The following ISLR2 variants were observed in gnomAD, a reference collection of about 807,000 sequenced individuals.
ISLR2 encodes the protein immunoglobulin superfamily containing leucine-rich repeat protein 2.
Under a neutral mutation model 25.5 loss-of-function variants are expected in ISLR2, and 16 were observed. The observed-to-expected ratio is 0.63, with a 90% CI of 0.43 to 0.95. ISLR2 has a LOEUF of 0.95. Among genes scored for constraint, ISLR2 ranks in the 40% least tolerant of loss-of-function variants. ISLR2 has a pLI of 0.00. For missense variants in ISLR2, 883 were observed against 1,030.7 expected (o/e 0.86, Z 1.96); for synonymous variants, 508 against 486.6 (o/e 1.04, Z -0.58).
chr15:74,128,417 C>T (rs1199819747), upstream of ISLR2: 6 of 455,426 alleles, frequency 1.3e-5, no homozygotes, highest in East Asian at 7.0e-5. Flanking sequence ...GGGGTGGTCA[C>T]CGCGTCCTTA....
chr15:74,124,372 A>G (rs1178649076), upstream of ISLR2, among the ~76,000 whole-genome samples: 1 of 152,092 alleles, frequency 6.6e-6, no homozygotes, highest in Non-Finnish European at 1.5e-5. Flanking sequence ...TTCAGAGATA[A>G]ACAGTCCTAT....
At chr15:74,110,755 G>A (rs1304372960) in intron 2 of ISLR2, among the ~76,000 whole-genome samples, 3 of 151,800 alleles carry the variant, frequency 2.0e-5, no homozygotes, top group Non-Finnish European at 2.9e-5. Context: ...TCAGGAGTTC[G>A]AGACCAGCCT....
chr15:74,141,107 G>A (rs1232059437), downstream of ISLR2, among the ~76,000 whole-genome samples: 1 of 152,198 alleles, frequency 6.6e-6, no homozygotes, highest in East Asian at 1.9e-4. Flanking sequence ...AGTAATTTAT[G>A]GGATTTAAAG....
upstream of ISLR2, chr15:74,128,444 C>T (rs1032892125): frequency 1.1e-5 from 5 of 456,460 alleles, no homozygotes; most frequent in African/African-American, 8.0e-5. Context: ...CCAGGAGCCC[C>T]GTCTCCCTGC....
At position 74,134,342 on chromosome 15, in the gene ISLR2, C is replaced by A; in HGVS notation, c.1588C>A (p.Leu530Ile). 6.3e-7 allele frequency: 1 copy of A among 1,583,666 alleles called. No homozygotes were observed. The highest frequency in any genetic ancestry group is 8.6e-7 in the Non-Finnish European group (1 of 1,167,582). Residue 530 changes from leucine (L) to isoleucine (I), a missense_variant, in exon 3 of 3, where the codon CTC (leucine) becomes ATC (isoleucine). Leu to Ile is a conservative substitution (Grantham distance 5, BLOSUM62 2). Coordinates refer to ENST00000453268, the MANE Select transcript of ISLR2 (RefSeq NM_020851.3). The stretch of plus-strand genomic sequence containing the variant: ...ACCCGGGCGGCGACCCCTGCGCCTA[C>A]TCTATCTGTGTCCAGCGGGGGGCGG... ...PRPGRRPLRL[L>I]YLCPAGGGAA...
chr15:74,116,683 T>C (rs888611212), intron 2 of ISLR2, among the ~76,000 whole-genome samples: 29 of 152,164 alleles, frequency 1.9e-4, no homozygotes, highest in African/African-American at 7.0e-4. Context: ...AGTAATAACA[T>C]TATGGGGTTT....
At chr15:74,128,223 C>A, upstream of ISLR2, 2 of 321,382 alleles carry the variant, frequency 6.2e-6, no homozygotes, top group Non-Finnish European at 1.2e-5. Flanking sequence ...GCTCCCACCC[C>A]AGGCCTCGGC....
chr15:74,109,425 C>T (rs967782433), intron 2 of ISLR2, among the ~76,000 whole-genome samples: 12 of 152,224 alleles, frequency 7.9e-5, no homozygotes, highest in African/African-American at 2.9e-4. Context: ...AACTCAGAAC[C>T]GCCACGTGGA....
chr15:74,138,982 C>G (rs576071244), downstream of ISLR2, among the ~76,000 whole-genome samples: 20 of 152,308 alleles, frequency 1.3e-4, no homozygotes, highest in East Asian at 3.5e-3. Flanking sequence ...TCATGGGTCT[C>G]TTGTGGGAAG....
intron 2 of ISLR2, among the ~76,000 whole-genome samples, chr15:74,112,511 G>A (rs2072175753): frequency 6.6e-6 from 1 of 150,986 alleles, no homozygotes; most frequent in Non-Finnish European, 1.5e-5. Context: ...TCCAATGTGT[G>A]AGCCATTTAT....
At position 74,132,531 on chromosome 15, in the gene ISLR2, C is replaced by T. The variant is rs754686205; in HGVS notation, c.-8-216C>T. Among the ~76,000 whole-genome samples the T allele has an allele frequency of 1.1e-4, 17 of 152,128 alleles. No individual in the cohort carries two copies. The highest frequency in any genetic ancestry group is 4.2e-4 in the South Asian group (2 of 4,818). The stretch of plus-strand genomic sequence containing the variant: ...GAGAAAAAAGGGCGATATACCGGGC[C>T]GCTGGAAAAGGAAATTAGGGCCCTG... On this transcript the variant is annotated intron_variant, in intron 2 of 2. Transcript: ENST00000453268. The surrounding 1 kb of genome is among the most constrained non-coding windows in gnomAD (Gnocchi z 4.3).
intron 1 of ISLR2, among the ~76,000 whole-genome samples, chr15:74,100,809 A>G (rs1175140501): frequency 6.6e-6 from 1 of 150,692 alleles, no homozygotes. Context: ...AAGGGCTGTC[A>G]TAATTAACAT....
chr15:74,130,362 G>A (rs1435676642), upstream of ISLR2: 3 of 152,188 alleles, frequency 2.0e-5, no homozygotes, highest in Non-Finnish European at 4.4e-5. Context: ...AGCAGCGGGG[G>A]GTGCGGGAGG....
In ISLR2 at chr15:74,106,254, A is replaced by G. The variant is rs566041593; in HGVS notation, n.228+2340A>G. 2.6e-3 allele frequency among the ~76,000 whole-genome samples: 392 copies of G among 152,250 alleles called. 2 individuals are homozygous for G. The highest frequency in any genetic ancestry group is 9.1e-3 in the African/African-American group (380 of 41,570). On this transcript the variant is annotated intron_variant and non_coding_transcript_variant, in intron 2 of 3. Coordinates refer to the ISLR2 transcript ENST00000561975. Reference sequence around the variant, plus strand: ...TTGGGTACAGCTTCCAAGACTGGTGAGGCCTTACTCAGGACCAGGGGGCCC... The same window carrying G: ...TTGGGTACAGCTTCCAAGACTGGTGGGGCCTTACTCAGGACCAGGGGGCCC...
At chr15:74,120,214 T>G (rs2072242124) in intron 2 of ISLR2, among the ~76,000 whole-genome samples, 1 of 152,216 alleles carries the variant, frequency 6.6e-6, no homozygotes, top group African/African-American at 2.4e-5. Context: ...CCCACCATGA[T>G]TTTTATCTTA....
intron 2 of ISLR2, among the ~76,000 whole-genome samples, chr15:74,110,827 C>T (rs369118963): frequency 4.6e-5 from 7 of 152,172 alleles, no homozygotes; most frequent in East Asian, 3.9e-4. Flanking sequence ...GGCGTGGTGG[C>T]GGGCACCTGT....
In ISLR2 at chr15:74,132,080, C is replaced by T. The variant is rs1318048365; in HGVS notation, c.-8-667C>T. 1 of 152,494 alleles carries T rather than the reference C, an allele frequency of 6.6e-6. No homozygotes were observed. The highest frequency in any genetic ancestry group is 2.4e-5 in the African/African-American group (1 of 41,446). The allele number at this position is 152,494 out of a possible 1,614,324, so 9.4% of individuals were successfully genotyped here. On this transcript the variant is annotated intron_variant, in intron 2 of 2. Transcript: ENST00000453268. This position sits in a 1 kb window ranked among gnomAD's most constrained non-coding sequence, Gnocchi z 4.3. ...AATTGTCACAATGGACAGGAAAGCG[C>T]TTTGTACCGTGGTGGAAAACACGTA...
downstream of ISLR2, among the ~76,000 whole-genome samples, chr15:74,140,071 A>C (rs1468474195): frequency 6.6e-6 from 1 of 152,200 alleles, no homozygotes; most frequent in Non-Finnish European, 1.5e-5. Flanking sequence ...AAGAAAGGTT[A>C]TTTGAAAGGA....
Position 74,132,768 on chromosome 15 carries a change from G to A in ISLR2, c.14G>A (p.Arg5Gln), listed in dbSNP as rs763445090. 4 of 1,609,144 alleles carry A rather than the reference G, an allele frequency of 2.5e-6. No individual in the cohort carries two copies. The highest frequency in any genetic ancestry group is 1.1e-5 in the South Asian group (1 of 91,010). The change falls in exon 3 of 3, where the codon CGG (arginine) becomes CAG (glutamine). Residue 5 changes from arginine (R) to glutamine (Q), a missense_variant. Physicochemically the swap from Arg to Gln is conservative, Grantham distance 43. Transcript: ENST00000453268. This position sits in a 1 kb window ranked among gnomAD's most constrained non-coding sequence, Gnocchi z 4.3. ...GCAGGAGCCGCGATGTTCCCCCTTC[G>A]GGCCCTGTGGTTGGTCTGGGCGCTT... is the stretch of plus-strand genomic sequence containing the variant. MFPL[R>Q]ALWLVWALLG... is the part of the protein sequence containing the mutation.
Sources: gnomAD v4.1 joint callset for allele counts (sites outside exome capture counted in the v4.1 genomes callset) on GRCh38, gnomAD v4.1.1 for gene constraint, Gnocchi (gnomAD v3.1) non-coding constraint, MANE v1.5 for transcripts, NCBI Gene and HGNC (gene_info 2026-07-23, HGNC 2026-07-21) for gene names.